MROH9: variants seen among roughly 807,000 people sequenced by gnomAD.
MROH9 encodes maestro heat-like repeat-containing protein family member 9.
In MROH9, 92 loss-of-function variants were observed where a neutral mutation model predicts 98.2. That is an observed-to-expected ratio of 0.94 (90% CI 0.79 to 1.11). MROH9 has a LOEUF of 1.11. Among genes scored for constraint, MROH9 ranks in the 50% most tolerant of loss-of-function variants. MROH9 has a pLI of 0.00. For synonymous variants in MROH9, 397 were observed against 368.9 expected (o/e 1.08, Z -0.87); for missense variants, 1,057 against 1,014.8 (o/e 1.04, Z -0.57).
intron 20 of MROH9, among the ~76,000 whole-genome samples, chr1:171,047,808 G>A (rs1653512748): frequency 6.6e-6 from 1 of 152,102 alleles, no homozygotes; most frequent in African/African-American, 2.4e-5. Context: ...TTCTTGGGAA[G>A]GCTTTGCAGA....
chr1:171,016,929 A>C lies in MROH9; in HGVS notation c.1908+593A>C, dbSNP rs77564771. 8.9e-3 allele frequency among the ~76,000 whole-genome samples: 1,349 copies of C among 152,312 alleles called. 17 individuals are homozygous for C. Among genetic ancestry groups the C allele is most frequent in the African/African-American group, 0.031 (1,300 of 41,572 alleles). On this transcript the variant is annotated intron_variant, in intron 17 of 21. Transcript: ENST00000367759. Reference sequence around the variant, plus strand: ...TTGGTATGCCATGGGGAATCTATGTATTTTTAAAGAACTCCACAATAAATT... The same window carrying C: ...TTGGTATGCCATGGGGAATCTATGTCTTTTTAAAGAACTCCACAATAAATT...
chr1:171,061,116 A>G (rs1006531326), intron 20 of MROH9, among the ~76,000 whole-genome samples: 1 of 152,220 alleles, frequency 6.6e-6, no homozygotes, highest in Non-Finnish European at 1.5e-5. Flanking sequence ...CAGTAAATAC[A>G]CACATGATCT....
chr1:170,954,039 T>A (rs547885948), intron 3 of MROH9, among the ~76,000 whole-genome samples: 2 of 152,220 alleles, frequency 1.3e-5, no homozygotes, highest in South Asian at 4.1e-4. Flanking sequence ...TTATGACTGA[T>A]GAAAACATGA....
chr1:170,971,748 A>T lies in MROH9; in HGVS notation c.481A>T (p.Ile161Leu). 1 of 1,613,948 alleles carries T rather than the reference A, an allele frequency of 6.2e-7. No individual in the cohort carries two copies. The highest frequency in any genetic ancestry group is 8.5e-7 in the Non-Finnish European group (1 of 1,179,888). Reference protein sequence around the residue: ...RFTVTKVRKYISVDAPCLGLL... With the variant: ...RFTVTKVRKYLSVDAPCLGLL... Reference sequence around the variant, plus strand: ...ATGTTCTCCTTTGTTTCTCCATTAGATAAGTGTTGATGCTCCATGTTTGGG... The same window carrying T: ...ATGTTCTCCTTTGTTTCTCCATTAGTTAAGTGTTGATGCTCCATGTTTGGG... Residue 161 changes from isoleucine (I) to leucine (L), a missense_variant and splice_region_variant, in exon 8 of 22, where the codon ATA (isoleucine) becomes TTA (leucine). Transcript: ENST00000367759.
At chr1:170,940,427 A>G (rs753144838) in intron 1 of MROH9, among the ~76,000 whole-genome samples, 4 of 152,230 alleles carry the variant, frequency 2.6e-5, no homozygotes, top group Non-Finnish European at 4.4e-5. Context: ...AAGACTCCTG[A>G]AAACTAAATT....
rs1383526904 is a variant in MROH9 at position 170,999,976 on chromosome 1, ATCT to A, written c.1596+1707_1596+1709del. Reference sequence around the variant, plus strand: ...TCATATGTTTGTTGGCCATCTGTATATCTTCTTTTGGGAATTGTCTATTCATGT... The same window carrying A: ...TCATATGTTTGTTGGCCATCTGTATATCTTTTGGGAATTGTCTATTCATGT... On this transcript the variant is annotated intron_variant, in intron 15 of 21. Coordinates refer to ENST00000367759, the MANE Select transcript of MROH9 (RefSeq NM_001163629.2). Among the ~76,000 whole-genome samples, 6 of 152,016 alleles carry A rather than the reference ATCT, an allele frequency of 3.9e-5. No homozygotes were observed. The East Asian group carries it at 1.2e-3, about 29-fold the overall frequency.
chr1:170,985,581 C>T (rs1025693541), intron 9 of MROH9, among the ~76,000 whole-genome samples: 1 of 152,186 alleles, frequency 6.6e-6, no homozygotes, highest in Non-Finnish European at 1.5e-5. Context: ...TCTTCTACAA[C>T]TTTTTAGATA....
intron 3 of MROH9, among the ~76,000 whole-genome samples, chr1:170,957,163 C>T (rs1044346184): frequency 6.6e-6 from 1 of 152,034 alleles, no homozygotes; most frequent in African/African-American, 2.4e-5. Context: ...TGTGCAGAAG[C>T]TTGTTAGTTT....
At chr1:171,037,577 T>G (rs1653144769) in intron 20 of MROH9, among the ~76,000 whole-genome samples, 1 of 151,998 alleles carries the variant, frequency 6.6e-6, no homozygotes, top group South Asian at 2.1e-4. Flanking sequence ...AATTAAAATA[T>G]CCTTAGGATT....
rs767864157 is a variant in MROH9, at chr1:170,986,569, G to A, written c.738G>A (p.Gly246=). The part of the protein sequence containing the change: ...QDESKIAQRV[G]QTLLPPLLTD... ...ATCCTTTGTGGTTGCAGAGAGTAGG[G>A]CAAACCTTACTGCCTCCCTTGCTGA... Residue 246 remains glycine (G), a synonymous_variant, in exon 10 of 22, where the codon GGG becomes GGA. Coordinates refer to ENST00000367759, the MANE Select transcript of MROH9 (RefSeq NM_001163629.2). The A allele has an allele frequency of 6.2e-7, 1 of 1,613,236 alleles. No individual in the cohort carries two copies. The highest frequency in any genetic ancestry group is 1.7e-5 in the Admixed American group (1 of 59,936).
chr1:170,973,561 A>G (rs952929637), intron 8 of MROH9, among the ~76,000 whole-genome samples: 1 of 152,218 alleles, frequency 6.6e-6, no homozygotes, highest in Non-Finnish European at 1.5e-5. Flanking sequence ...TAAAATTAAC[A>G]ATGTCTGAAA....
intron 8 of MROH9, 60 bp from the exon 9 acceptor site, chr1:170,983,362 T>C (rs1232218446): frequency 8.4e-7 from 1 of 1,190,224 alleles, no homozygotes; most frequent in Non-Finnish European, 1.2e-6. Flanking sequence ...GAAATAGTAA[T>C]GTCATAGAAC....
At position 170,961,933 on chromosome 1, in the gene MROH9, C is replaced by T. The variant is rs766660390; in HGVS notation, c.332C>T (p.Thr111Met). Reference sequence around the variant, plus strand: ...TTAAATATATATGAGAACATTCTTACGAGCTTGGTGTCTAAAGACCTCTAC... The same window carrying T: ...TTAAATATATATGAGAACATTCTTATGAGCTTGGTGTCTAAAGACCTCTAC... The part of the protein sequence containing the change: ...NILNIYENIL[T>M]SLVSKDLYKL... The change falls in exon 6 of 22, where the codon ACG (threonine) becomes ATG (methionine). Residue 111 changes from threonine to methionine, a missense_variant. By Grantham distance (81) the Thr-to-Met change is moderately conservative. Coordinates refer to ENST00000367759, the MANE Select transcript of MROH9 (RefSeq NM_001163629.2). 2.5e-5 allele frequency: 38 copies of T among 1,540,400 alleles called. No individual in the cohort carries two copies. The highest frequency in any genetic ancestry group is 6.1e-5 in the South Asian group (5 of 81,700).
intron 20 of MROH9, among the ~76,000 whole-genome samples, chr1:171,040,005 C>T (rs1363365524): frequency 1.3e-5 from 2 of 151,884 alleles, no homozygotes; most frequent in Non-Finnish European, 2.9e-5. Flanking sequence ...AAAGAAAATC[C>T]TCCTTTGAGA....
intron 3 of MROH9, among the ~76,000 whole-genome samples, chr1:170,956,138 T>C (rs1649748437): frequency 6.6e-6 from 1 of 152,184 alleles, no homozygotes; most frequent in Non-Finnish European, 1.5e-5. Flanking sequence ...GCATTTGGGT[T>C]TATTTCTGGA....
rs1254890786 is a variant in MROH9 at position 170,970,510 on chromosome 1, C to T, written c.481-1238C>T. 7.9e-5 allele frequency among the ~76,000 whole-genome samples: 12 copies of T among 152,006 alleles called. No homozygotes were observed. The East Asian group carries it at 2.1e-3, about 27-fold the overall frequency. ...CAGATTCTCCAAAGCCACAGAGCTC[C>T]TATAAGGGGAAGGACCAGGCCACTC... On this transcript the variant is annotated intron_variant, in intron 7 of 21. Coordinates refer to ENST00000367759, the MANE Select transcript of MROH9 (RefSeq NM_001163629.2).
intron 15 of MROH9, among the ~76,000 whole-genome samples, chr1:171,012,356 T>C (rs896750535): frequency 4.6e-5 from 7 of 152,178 alleles, no homozygotes; most frequent in African/African-American, 9.7e-5. Flanking sequence ...CTCTGAAAGC[T>C]TGAAAAGATG....
intron 20 of MROH9, among the ~76,000 whole-genome samples, chr1:171,033,160 A>G (rs1190358450): frequency 6.6e-6 from 1 of 152,240 alleles, no homozygotes; most frequent in Non-Finnish European, 1.5e-5. Flanking sequence ...GGGGCTTTAG[A>G]AATGGGTGCC....
At chr1:171,058,469 A>C (rs1023911194) in intron 20 of MROH9, among the ~76,000 whole-genome samples, 3 of 152,078 alleles carry the variant, frequency 2.0e-5, no homozygotes, top group Non-Finnish European at 4.4e-5. Context: ...ACTACTATTG[A>C]CATTCTTCAT....
Sources: gnomAD v4.1 joint callset for allele counts (sites outside exome capture counted in the v4.1 genomes callset) on GRCh38, gnomAD v4.1.1 for gene constraint, MANE v1.5 for transcripts, NCBI Gene and HGNC (gene_info 2026-07-23, HGNC 2026-07-21) for gene names.